Variants in EXT2 observed in about 807,000 individuals in gnomAD.
The protein encoded by EXT2 is exostosin glycosyltransferase 2.
In EXT2, 53 loss-of-function variants were observed where a neutral mutation model predicts 81.6. The observed-to-expected ratio is 0.65, with a 90% confidence interval of 0.52 to 0.82. EXT2 has a LOEUF of 0.82. Among genes scored for constraint, EXT2 ranks in the 40% least tolerant of loss-of-function variants. The pLI is 0.00. For missense variants in EXT2, 774 were observed against 910.2 expected (o/e 0.85, Z 1.93); for synonymous variants, 320 against 340.0 (o/e 0.94, Z 0.65).
intron 7 of EXT2, among the ~76,000 whole-genome samples, chr11:44,162,435 G>A (rs1192131111): frequency 6.6e-6 from 1 of 151,924 alleles, no homozygotes; most frequent in Non-Finnish European, 1.5e-5. Flanking sequence ...AATTAGCCAG[G>A]CATGGTGGCA....
At chr11:44,167,797 AAAG>A (rs2135119484) in intron 7 of EXT2, among the ~76,000 whole-genome samples, 1 of 152,338 alleles carries the variant, frequency 6.6e-6, no homozygotes, top group South Asian at 2.1e-4. Context: ...AAGTAGAAGA[AAAG>A]AAGGAGACTT....
chr11:44,096,373 G>A lies in EXT2; in HGVS notation c.-31+521G>A, dbSNP rs534390864. Reference sequence around the variant, plus strand: ...TGCCGGGGACTGGGTGGTCGGGGGCGTGTTAGGCCGGGGACTGGGTGACCG... The same window carrying A: ...TGCCGGGGACTGGGTGGTCGGGGGCATGTTAGGCCGGGGACTGGGTGACCG... On this transcript the variant is annotated intron_variant, in intron 1 of 13. Transcript: ENST00000533608. 614 of 1,484,900 alleles carry A rather than the reference G, an allele frequency of 4.1e-4. 2 individuals carry two copies. The African/African-American group carries it at 8.3e-3, about 20-fold the overall frequency. 92.0% of individuals were successfully genotyped at this position (1,484,900 alleles called of 1,614,324 possible). A position where few individuals can be genotyped will look rare whatever the true frequency, so the allele number is the denominator to read the frequency against.
Position 44,248,280 on chromosome 11 carries a change from C to T in EXT2, c.*3993C>T, listed in dbSNP as rs1213910263. ...AAACTGGCCCCATGTCTCCTCCAGC[C>T]ACTTCCTGAGGAGCAGTTCTGGCAG... On this transcript the variant is annotated 3_prime_UTR_variant, in exon 14 of 14. Transcript: ENST00000533608. Among the ~76,000 whole-genome samples the T allele has an allele frequency of 1.3e-5, 2 of 152,216 alleles. No individual in the cohort carries two copies. Among genetic ancestry groups the T allele is most frequent in the Non-Finnish European group, 2.9e-5 (2 of 68,042 alleles).
intron 7 of EXT2, among the ~76,000 whole-genome samples, chr11:44,150,266 C>CATACATACATACATACAT (rs1346175548): frequency 6.6e-6 from 1 of 150,920 alleles, no homozygotes; most frequent in Non-Finnish European, 1.5e-5. Context: ...TTTAGTATGG[C>CATACATACATACATACAT]ACAGAGTTTC....
intron 1 of EXT2, among the ~76,000 whole-genome samples, chr11:44,101,288 G>A (rs574769271): frequency 2.0e-5 from 3 of 152,300 alleles, no homozygotes; most frequent in South Asian, 4.1e-4. Flanking sequence ...GCTCCTTGAA[G>A]CTTGGACACA....
chr11:44,226,342 A>G (rs1955838035), intron 10 of EXT2, among the ~76,000 whole-genome samples: 1 of 152,316 alleles, frequency 6.6e-6, no homozygotes, highest in Admixed American at 6.5e-5. Context: ...TTAATCCATA[A>G]TGCAGTTTGT....
At chr11:44,137,653 A>C (rs1286492933) in intron 7 of EXT2, among the ~76,000 whole-genome samples, 6 of 152,026 alleles carry the variant, frequency 3.9e-5, no homozygotes, top group Non-Finnish European at 8.8e-5. Flanking sequence ...ACAGTTGAGT[A>C]GTATGTGGAA....
At chr11:44,199,691 G>C (rs542908631) in intron 9 of EXT2, among the ~76,000 whole-genome samples, 9 of 152,202 alleles carry the variant, frequency 5.9e-5, no homozygotes, top group Middle Eastern at 3.4e-3. Flanking sequence ...ACTTCTTTGG[G>C]GAAGGTATCA....
intron 13 of EXT2, among the ~76,000 whole-genome samples, chr11:44,237,930 A>T (rs978878669): frequency 1.0e-4 from 15 of 147,968 alleles, no homozygotes; most frequent in Non-Finnish European, 1.8e-4. Flanking sequence ...AAAAAAAAAA[A>T]CATACAAAGT....
intron 7 of EXT2, among the ~76,000 whole-genome samples, chr11:44,132,015 C>A (rs1237842987): frequency 6.6e-6 from 1 of 152,166 alleles, no homozygotes; most frequent in Non-Finnish European, 1.5e-5. Flanking sequence ...GGATTATAGG[C>A]GTGAGCCACC....
chr11:44,151,490 A>G (rs1171843893), intron 7 of EXT2, among the ~76,000 whole-genome samples: 1 of 152,056 alleles, frequency 6.6e-6, no homozygotes, highest in African/African-American at 2.4e-5. Context: ...TAGCCCCTTC[A>G]GTTTGGCTTC....
chr11:44,205,654 A>G (rs533848347), intron 9 of EXT2, among the ~76,000 whole-genome samples: 6 of 152,196 alleles, frequency 3.9e-5, no homozygotes, highest in Non-Finnish European at 8.8e-5. Flanking sequence ...TGCAGAAGTA[A>G]AACATTTTAT....
rs141278115 is a variant in EXT2 at position 44,198,247 on chromosome 11, G to C, written c.1495+229G>C. The C allele has an allele frequency of 8.0e-4, 458 of 575,470 alleles. 2 individuals are homozygous for C. The highest frequency in any genetic ancestry group is 7.9e-3 in the African/African-American group (424 of 53,486). The allele number at this position is 575,470 out of a possible 1,614,324, so 35.6% of individuals were successfully genotyped here. A position where few individuals can be genotyped will look rare whatever the true frequency, so the allele number is the denominator to read the frequency against. On this transcript the variant is annotated intron_variant, in intron 9 of 13. Transcript: ENST00000533608. Reference sequence around the variant, plus strand: ...TGTTTGAGGGCTTAGGAATCAACAGGATCAAAGGCTATCAGCCTTAGGAAA... The same window carrying C: ...TGTTTGAGGGCTTAGGAATCAACAGCATCAAAGGCTATCAGCCTTAGGAAA...
At chr11:44,243,200 C>T (rs955958569) in intron 13 of EXT2, among the ~76,000 whole-genome samples, 1 of 152,136 alleles carries the variant, frequency 6.6e-6, no homozygotes, top group African/African-American at 2.4e-5. Context: ...CCTTGAGGTC[C>T]CCTTGACTTC....
At chr11:44,192,560 A>G (rs1955406373) in intron 8 of EXT2, among the ~76,000 whole-genome samples, 1 of 152,192 alleles carries the variant, frequency 6.6e-6, no homozygotes, top group South Asian at 2.1e-4. Context: ...GGCAAGATGA[A>G]TACAAATCGA....
At chr11:44,102,768 T>C (rs4755777) in intron 1 of EXT2, among the ~76,000 whole-genome samples, 37,282 of 151,984 alleles carry the variant, frequency 0.25, 5,076 homozygotes, top group East Asian at 0.35. Context: ...ATAGGTCTCA[T>C]TGTGGTCTTA....
In EXT2 at chr11:44,165,409, A is replaced by G. The variant is rs1954982343; in HGVS notation, c.1174-6202A>G. On this transcript the variant is annotated intron_variant, in intron 7 of 13. Coordinates refer to ENST00000533608, the MANE Select transcript of EXT2 (RefSeq NM_207122.2). ...AAGGTATTACAGAAGACCTGCAGAA[A>G]CAATTAAGCCTGAGAAGTTCACTTA... Among the ~76,000 whole-genome samples, 5 of 152,230 alleles carry G rather than the reference A, an allele frequency of 3.3e-5. No homozygotes were observed. In the South Asian group the frequency reaches 1.0e-3, roughly 32 times the overall value.
intron 7 of EXT2, among the ~76,000 whole-genome samples, chr11:44,134,677 T>C (rs1954540235): frequency 6.6e-6 from 1 of 152,354 alleles, no homozygotes; most frequent in South Asian, 2.1e-4. Flanking sequence ...CACTAGACTG[T>C]ATCGTTAGAA....
chr11:44,107,457 G>A (rs943381072), intron 1 of EXT2, among the ~76,000 whole-genome samples: 13 of 152,068 alleles, frequency 8.5e-5, no homozygotes, highest in Non-Finnish European at 1.2e-4. Flanking sequence ...TTAGCTGGGC[G>A]TGGTGGTCAC....
Sources: allele counts gnomAD v4.1 joint callset (sites outside exome capture counted in the v4.1 genomes callset), GRCh38; gene constraint gnomAD v4.1.1; transcripts MANE v1.5; gene names NCBI Gene and HGNC (gene_info 2026-07-23, HGNC 2026-07-21).